CPA6: variants seen among roughly 807,000 people sequenced by gnomAD.
The protein encoded by CPA6 is carboxypeptidase A6.
In CPA6, 58 loss-of-function variants were observed where a neutral mutation model predicts 63.3. That is an observed-to-expected ratio of 0.92 (90% CI 0.74 to 1.14). The LOEUF (loss-of-function observed/expected upper bound fraction) is 1.14. Ranked by LOEUF, CPA6 falls within the 50% of genes most tolerant of loss-of-function variation. The pLI is 0.00. For synonymous variants in CPA6, 185 were observed against 179.0 expected, an observed-to-expected ratio of 1.03 and a Z score of -0.27; for missense variants, 565 against 526.6, an observed-to-expected ratio of 1.07 and a Z score of -0.71.
chr8:67,706,227 A>G (rs894365526), intron 1 of CPA6, among the ~76,000 whole-genome samples: 3 of 152,208 alleles, frequency 2.0e-5, no homozygotes, highest in Non-Finnish European at 2.9e-5. Context: ...AAGCCATTAA[A>G]TTCTAGGTAA....
chr8:67,592,850 A>G (rs1056380324), intron 2 of CPA6, among the ~76,000 whole-genome samples: 4 of 151,966 alleles, frequency 2.6e-5, no homozygotes, highest in Non-Finnish European at 4.4e-5. Flanking sequence ...TGGATTCATT[A>G]ATTTTTTGAA....
intron 2 of CPA6, among the ~76,000 whole-genome samples, chr8:67,589,657 G>T (rs1019400401): frequency 6.6e-6 from 1 of 152,084 alleles, no homozygotes; most frequent in African/African-American, 2.4e-5. Context: ...AAACATCCTT[G>T]CTATAAATAA....
chr8:67,728,573 C>T (rs1817648507), intron 1 of CPA6, among the ~76,000 whole-genome samples: 1 of 152,192 alleles, frequency 6.6e-6, no homozygotes, highest in Non-Finnish European at 1.5e-5. Context: ...TTTCCATGCA[C>T]TCTAAATCTT....
At chr8:67,703,933 T>C (rs1817078561) in intron 1 of CPA6, among the ~76,000 whole-genome samples, 1 of 148,520 alleles carries the variant, frequency 6.7e-6, no homozygotes, top group East Asian at 2.0e-4. Flanking sequence ...TGCTTTTTTT[T>C]TGTTGTTGTT....
chr8:67,694,765 C>T (rs1049472227), intron 1 of CPA6, among the ~76,000 whole-genome samples: 5 of 152,200 alleles, frequency 3.3e-5, no homozygotes, highest in African/African-American at 1.2e-4. Context: ...TGCAGCGCTA[C>T]AGCCCCTGTC....
intron 6 of CPA6, among the ~76,000 whole-genome samples, chr8:67,502,510 TTTCC>T (rs1192849580): frequency 6.6e-6 from 1 of 152,204 alleles, no homozygotes. Flanking sequence ...ATTTCTATTA[TTTCC>T]TTCCTTCTGC....
At chr8:67,718,649 G>GTT (rs765690137) in intron 1 of CPA6, among the ~76,000 whole-genome samples, 86 of 140,978 alleles carry the variant, frequency 6.1e-4, no homozygotes, top group Admixed American at 6.4e-4. Context: ...GACAGCTGAA[G>GTT]TTTTTTTTTT....
At chr8:67,735,948 A>G (rs1817804675) in intron 1 of CPA6, among the ~76,000 whole-genome samples, 1 of 152,132 alleles carries the variant, frequency 6.6e-6, no homozygotes, top group Non-Finnish European at 1.5e-5. Context: ...TTCAGAAATG[A>G]TTCTGGAGAA....
intron 1 of CPA6, among the ~76,000 whole-genome samples, chr8:67,658,544 C>T (rs1421429026): frequency 2.0e-5 from 3 of 152,138 alleles, no homozygotes; most frequent in Non-Finnish European, 4.4e-5. Context: ...AATCTAATCT[C>T]ATTACTTCAA....
At chr8:67,685,410 G>C (rs1307303154) in intron 1 of CPA6, among the ~76,000 whole-genome samples, 2 of 152,114 alleles carry the variant, frequency 1.3e-5, no homozygotes, top group East Asian at 1.9e-4. Flanking sequence ...GAGGTCAGGA[G>C]ATCAAGACCA....
chr8:67,591,271 C>G (rs886484589), intron 2 of CPA6, among the ~76,000 whole-genome samples: 18 of 152,144 alleles, frequency 1.2e-4, no homozygotes, highest in African/African-American at 4.3e-4. Flanking sequence ...CAGTACCATG[C>G]TGTTTTGGTT....
chr8:67,491,488 T>C (rs1811605176), intron 6 of CPA6, among the ~76,000 whole-genome samples: 1 of 152,122 alleles, frequency 6.6e-6, no homozygotes. Flanking sequence ...ATGTTGCCAA[T>C]TAATCTACAT....
Position 67,666,468 on chromosome 8 carries a change from G to C in CPA6, c.117-42217C>G, listed in dbSNP as rs72657278. On this transcript the variant is annotated intron_variant, in intron 1 of 10. Coordinates refer to ENST00000297770, the MANE Select transcript of CPA6 (RefSeq NM_020361.5). ...CAGCGGAGGGCCCTGGTAGCAGCCA[G>C]TAAAGCTGGGCAGGAGGGAGACATG... Among the ~76,000 whole-genome samples, 1,334 of 152,320 alleles carry C rather than the reference G, an allele frequency of 8.8e-3. 9 individuals carry two copies. The highest frequency in any genetic ancestry group is 0.015 in the Non-Finnish European group (1,029 of 68,030).
At chr8:67,437,298 G>A (rs1361262358) in intron 8 of CPA6, among the ~76,000 whole-genome samples, 1 of 152,220 alleles carries the variant, frequency 6.6e-6, no homozygotes, top group Non-Finnish European at 1.5e-5. Flanking sequence ...GGTAAGCTGA[G>A]GCAGGAGAAT....
intron 1 of CPA6, among the ~76,000 whole-genome samples, chr8:67,733,243 A>C (rs865805802): frequency 6.9e-6 from 1 of 144,634 alleles, no homozygotes; most frequent in African/African-American, 2.6e-5. Context: ...TTTAGCGTCT[A>C]TCACCTGGAG....
intron 2 of CPA6, among the ~76,000 whole-genome samples, chr8:67,562,993 C>G (rs1475369863): frequency 1.3e-5 from 2 of 151,992 alleles, no homozygotes; most frequent in African/African-American, 2.4e-5. Context: ...TTTGTCTCCC[C>G]CAAAGGATCG....
chr8:67,582,230 T>C (rs1412377058), intron 2 of CPA6, among the ~76,000 whole-genome samples: 2 of 152,142 alleles, frequency 1.3e-5, no homozygotes, highest in Non-Finnish European at 1.5e-5. Context: ...CACCTCAGAT[T>C]CATCGCACAA....
chr8:67,545,525 T>G (rs972978796), intron 2 of CPA6, among the ~76,000 whole-genome samples: 1 of 151,938 alleles, frequency 6.6e-6, no homozygotes, highest in African/African-American at 2.4e-5. Context: ...GGCTTTAGTC[T>G]TTCATTAATC....
intron 1 of CPA6, among the ~76,000 whole-genome samples, chr8:67,727,710 G>A (rs1045952077): frequency 2.0e-5 from 3 of 152,200 alleles, no homozygotes; most frequent in Admixed American, 6.5e-5. Flanking sequence ...TGTTCACAGG[G>A]CAGTTATGCC....
Sources: gnomAD v4.1 joint callset for allele counts (sites outside exome capture counted in the v4.1 genomes callset) on GRCh38, gnomAD v4.1.1 for gene constraint, MANE v1.5 for transcripts, NCBI Gene and HGNC (gene_info 2026-07-23, HGNC 2026-07-21) for gene names.